EFCAB8: variants seen among roughly 807,000 people sequenced by gnomAD.
EFCAB8 encodes the protein EF-hand calcium binding domain 8.
EFCAB8 carries 100 observed loss-of-function variants against 116.3 expected under a neutral mutation model. The ratio of observed to expected loss-of-function variants is 0.86; its 90% CI spans 0.73 to 1.02. The LOEUF (loss-of-function observed/expected upper bound fraction) is 1.02, where lower values mean the gene tolerates loss of function less well. Among genes scored for constraint, EFCAB8 ranks in the 50% least tolerant of loss-of-function variants. The pLI, the probability that EFCAB8 is intolerant of heterozygous loss-of-function variation, is 0.00. For synonymous variants in EFCAB8, 558 were observed against 567.9 expected (o/e 0.98, Z 0.25); for missense variants, 1,320 against 1,416.9 (o/e 0.93, Z 1.10).
chr20:32,920,444 A>G (rs561268870), intron 20 of EFCAB8, among the ~76,000 whole-genome samples: 11 of 152,322 alleles, frequency 7.2e-5, no homozygotes, highest in Non-Finnish European at 1.0e-4. Context: ...ATAAAGGCAT[A>G]TCCGAGACTG....
At chr20:32,939,118 TTTCTTTC>T (rs1988252637) in intron 22 of EFCAB8, among the ~76,000 whole-genome samples, 2 of 132,192 alleles carry the variant, frequency 1.5e-5, no homozygotes, top group Admixed American at 7.5e-5. Flanking sequence ...TCTTTCTCTC[TTTCTTTC>T]TCTTTCTTTC....
intron 7 of EFCAB8, 115 bp from the exon 8 acceptor site, chr20:32,892,098 A>G: frequency 2.2e-6 from 2 of 913,506 alleles, no homozygotes; most frequent in Non-Finnish European, 3.4e-6. Context: ...GCCATGGGGG[A>G]AAAAGGGCTG....
At chr20:32,949,179 G>A (rs1229690495) in intron 23 of EFCAB8, among the ~76,000 whole-genome samples, 1 of 152,086 alleles carries the variant, frequency 6.6e-6, no homozygotes, top group African/African-American at 2.4e-5. Context: ...TACTAGCAAT[G>A]AACAGCCAGA....
chr20:32,910,738 C>CTTTTTTTTTT (rs34185318), intron 15 of EFCAB8, among the ~76,000 whole-genome samples: 1 of 107,308 alleles, frequency 9.3e-6, no homozygotes. Context: ...TCACTTGCTA[C>CTTTTTTTTTT]TTTTTTTTTT....
chr20:32,877,207 CTTTTTTTT>C (rs757130907), intron 4 of EFCAB8, among the ~76,000 whole-genome samples: 1 of 115,054 alleles, frequency 8.7e-6, no homozygotes. Context: ...TTATTTCTTT[CTTTTTTTT>C]TTTTTTTTTT....
chr20:32,886,628 G>A (rs1204545894), intron 6 of EFCAB8, among the ~76,000 whole-genome samples: 2 of 152,118 alleles, frequency 1.3e-5, no homozygotes, highest in Non-Finnish European at 2.9e-5. Context: ...CTGAGGCTGT[G>A]GCTTCCATAG....
intron 5 of EFCAB8, among the ~76,000 whole-genome samples, chr20:32,884,192 T>A (rs1292685729): frequency 1.3e-5 from 2 of 152,210 alleles, no homozygotes; most frequent in African/African-American, 4.8e-5. Flanking sequence ...AAATGAGTAA[T>A]ATTTAATTAC....
chr20:32,887,072 C>G (rs1985669626), intron 6 of EFCAB8, among the ~76,000 whole-genome samples: 1 of 152,110 alleles, frequency 6.6e-6, no homozygotes, highest in Non-Finnish European at 1.5e-5. Context: ...GCCAGAACCA[C>G]CTGGGGAGCC....
At chr20:32,911,365 C>T (rs941729891) in intron 15 of EFCAB8, 115 bp from the exon 16 acceptor site, 36 of 916,160 alleles carry the variant, frequency 3.9e-5, no homozygotes, top group Non-Finnish European at 4.7e-5. Flanking sequence ...GCAGGGGGCC[C>T]TGAACGTCTG....
rs35488921 is a variant in EFCAB8 at position 32,890,000 on chromosome 20, T to TA, written c.673+613dup. On this transcript the variant is annotated intron_variant, in intron 7 of 26. Transcript: ENST00000400522. ...TGGGCGACAGAGAGAGACTCAGTCT[T>TA]AAAAAAAAAAAAAAAAAAAGCCTCT... is the stretch of plus-strand genomic sequence containing the variant. 3.0e-3 allele frequency among the ~76,000 whole-genome samples: 342 copies of TA among 113,452 alleles called. 2 individuals carry two copies. The highest frequency in any genetic ancestry group is 8.7e-3 in the African/African-American group (248 of 28,604). 74.4% of individuals were successfully genotyped at this position (113,452 alleles called of 152,430 possible).
At position 32,920,945 on chromosome 20, in the gene EFCAB8, T is replaced by A. The variant is rs560757638; in HGVS notation, c.2412+730T>A. 1.3e-4 allele frequency among the ~76,000 whole-genome samples: 20 copies of A among 152,260 alleles called. No homozygotes were observed. In the South Asian group the frequency reaches 4.2e-3, roughly 32 times the overall value. On this transcript the variant is annotated intron_variant, in intron 20 of 26. Coordinates refer to ENST00000400522, the MANE Select transcript of EFCAB8 (RefSeq NM_001143967.2). ...TTTTATACCGAACACGAGTTGGGTA[T>A]GGGTTCATCTTTGTTCTTCCTACTG... is the stretch of plus-strand genomic sequence containing the variant.
At chr20:32,888,382 C>T (rs1374932790) in intron 6 of EFCAB8, among the ~76,000 whole-genome samples, 3 of 152,308 alleles carry the variant, frequency 2.0e-5, no homozygotes, top group East Asian at 1.9e-4. Flanking sequence ...AGCACCACCA[C>T]GCCCAGCTAA....
At chr20:32,902,458 CCATT>C (rs1986472605) in intron 11 of EFCAB8, among the ~76,000 whole-genome samples, 1 of 152,158 alleles carries the variant, frequency 6.6e-6, no homozygotes, top group Non-Finnish European at 1.5e-5. Context: ...ACAAAAGACT[CCATT>C]CAGGTCAGAC....
chr20:32,885,355 A>C (rs536229040), intron 5 of EFCAB8, 150 bp from the exon 6 acceptor site: 6 of 1,024,970 alleles, frequency 5.9e-6, no homozygotes, highest in Middle Eastern at 3.3e-4. Context: ...AGAGCCAGCT[A>C]TGGGTTTATG....
chr20:32,877,479 G>A (rs1985039222), intron 4 of EFCAB8, among the ~76,000 whole-genome samples: 1 of 152,124 alleles, frequency 6.6e-6, no homozygotes, highest in South Asian at 2.1e-4. Flanking sequence ...AAAGTGCTGG[G>A]ATTACAGGTG....
intron 20 of EFCAB8, among the ~76,000 whole-genome samples, chr20:32,925,757 C>A (rs973335107): frequency 6.6e-6 from 1 of 152,228 alleles, no homozygotes; most frequent in Non-Finnish European, 1.5e-5. Flanking sequence ...GAAGTTTAGC[C>A]CGTGAGTAGC....
chr20:32,914,811 C>G (rs894514986), intron 17 of EFCAB8, among the ~76,000 whole-genome samples: 1 of 152,204 alleles, frequency 6.6e-6, no homozygotes, highest in African/African-American at 2.4e-5. Context: ...GGTGGGGACA[C>G]AGAGCCAAAC....
intron 22 of EFCAB8, among the ~76,000 whole-genome samples, chr20:32,939,683 TTC>T (rs1354761557): frequency 7.1e-6 from 1 of 140,534 alleles, no homozygotes; most frequent in African/African-American, 2.7e-5. Context: ...CCTTCCTTCC[TTC>T]TCTCTCTCTC....
chr20:32,879,866 TG>T (rs1294450656), intron 5 of EFCAB8, among the ~76,000 whole-genome samples: 1 of 152,156 alleles, frequency 6.6e-6, no homozygotes, highest in Non-Finnish European at 1.5e-5. Context: ...GTGCCCTATT[TG>T]GGGGTAGCAT....
Sources: gnomAD v4.1 joint callset for allele counts (sites outside exome capture counted in the v4.1 genomes callset) on GRCh38, gnomAD v4.1.1 for gene constraint, MANE v1.5 for transcripts, NCBI Gene and HGNC (gene_info 2026-07-23, HGNC 2026-07-21) for gene names.